KRT73: variants seen among roughly 807,000 people sequenced by gnomAD.
KRT73 encodes keratin 73.
In KRT73, 44 loss-of-function variants were observed where a neutral mutation model predicts 47.2. That is an observed-to-expected ratio of 0.93 (90% CI 0.73 to 1.20). The LOEUF (loss-of-function observed/expected upper bound fraction) is 1.20, where lower values mean the gene tolerates loss of function less well. Among genes scored for constraint, KRT73 ranks in the 50% most tolerant of loss-of-function variants. KRT73 has a pLI of 0.00. For synonymous variants in KRT73, 285 were observed against 291.3 expected (o/e 0.98, Z 0.22); for missense variants, 713 against 704.5 (o/e 1.01, Z -0.14).
At position 52,608,317 on chromosome 12, in the gene KRT73, C is replaced by T. The variant is rs1565627279; in HGVS notation, c.1502G>A (p.Gly501Asp). Residue 501 changes from glycine to aspartate, a missense_variant, in exon 9 of 9, where the codon GGC becomes GAC. Gly to Asp is a moderately conservative substitution (Grantham distance 94). Coordinates refer to ENST00000305748, the MANE Select transcript of KRT73 (RefSeq NM_175068.3). ...YSMLPGGCVT[G>D]SGNCSPRGEA... is the part of the protein sequence containing the mutation. ...CCCACGGGGGCTACAGTTCCCACTG[C>T]CAGTGACACAGCCCCCAGGCAGCAT... The T allele has an allele frequency of 3.1e-6, 5 of 1,614,014 alleles. No homozygotes were observed. Among genetic ancestry groups the T allele is most frequent in the Non-Finnish European group, 4.2e-6 (5 of 1,180,014 alleles).
chr12:52,627,147 C>CTTTCAGG, the KRT73 span, among the ~76,000 whole-genome samples: 1 of 152,238 alleles, frequency 6.6e-6, no homozygotes, highest in Non-Finnish European at 1.5e-5. Flanking sequence ...AACTCTTCAT[C>CTTTCAGG]TTTCAGGTTT....
rs751898527 is a variant in KRT73, at chr12:52,618,446, C to T, written c.79G>A (p.Gly27Ser). 3 of 1,614,024 alleles carry T rather than the reference C, an allele frequency of 1.9e-6. No individual in the cohort carries two copies. Among genetic ancestry groups the T allele is most frequent in the Non-Finnish European group, 2.5e-6 (3 of 1,180,006 alleles). Residue 27 changes from glycine (G) to serine (S), a missense_variant, in exon 1 of 9, where the codon GGC becomes AGC. Gly to Ser is a moderately conservative substitution (Grantham distance 56). Transcript: ENST00000305748. Reference sequence around the variant, plus strand: ...CCTGCTCGGTAGGAGGATGAGCTGCCCCCTGAGAGCACAGCGGAGCAGCCG... The same window carrying T: ...CCTGCTCGGTAGGAGGATGAGCTGCTCCCTGAGAGCACAGCGGAGCAGCCG... ...FSGCSAVLSGGSSSSYRAGGK... is the reference protein window; with the variant it reads ...FSGCSAVLSGSSSSSYRAGGK...
In KRT73 at chr12:52,616,288, C is replaced by A. The variant is rs143427676; in HGVS notation, c.540G>T (p.Glu180Asp). ...LDLNNCKNNL[E>D]PILEGYISNL... is the part of the protein sequence containing the mutation. ...TGCTGATGTAGCCCTCAAGGATGGG[C>A]TCCAGGTTATTCTTGCAGTTGTTCA... is the stretch of plus-strand genomic sequence containing the variant. Residue 180 changes from glutamate (E) to aspartate (D), a missense_variant, in exon 2 of 9, where the codon GAG (glutamate) becomes GAT (aspartate). Glu to Asp is a conservative substitution (Grantham distance 45, BLOSUM62 2). Transcript: ENST00000305748. 1.2e-6 allele frequency: 2 copies of A among 1,614,222 alleles called. No individual in the cohort carries two copies. Among genetic ancestry groups the A allele is most frequent in the Admixed American group, 1.7e-5 (1 of 60,038 alleles).
At chr12:52,613,918 C>T (rs1940758384) in intron 4 of KRT73, 66 bp from the exon 5 acceptor site, 1 of 1,579,042 alleles carries the variant, frequency 6.3e-7, no homozygotes, top group Non-Finnish European at 8.6e-7. Context: ...AGGTGATGGC[C>T]CTGTCCCAGA....
Position 52,608,141 on chromosome 12 carries a change from C to G in KRT73, c.*55G>C. 1 of 1,553,616 alleles carries G rather than the reference C, an allele frequency of 6.4e-7. No homozygotes were observed. The highest frequency in any genetic ancestry group is 8.7e-7 in the Non-Finnish European group (1 of 1,146,358). ...GACAGAGGAATTTCCTAGAAGAGTC[C>G]GGAGCAGTCTGCCAGGGCAAGGCAG... On this transcript the variant is annotated 3_prime_UTR_variant, in exon 9 of 9. Coordinates refer to ENST00000305748, the MANE Select transcript of KRT73 (RefSeq NM_175068.3).
Position 52,618,303 on chromosome 12 carries a change from G to T in KRT73, c.222C>A (p.Gly74=), listed in dbSNP as rs147112947. 1.2e-6 allele frequency: 2 copies of T among 1,614,078 alleles called. No individual in the cohort carries two copies. Among genetic ancestry groups the T allele is most frequent in the African/African-American group, 2.7e-5 (2 of 74,930 alleles). ...CAGCAAAGCCACTGGCCCGGCCCCGGCCAAATCCATAGCCTCCTGCCCACC... is the reference window on the plus strand; with the variant it reads ...CAGCAAAGCCACTGGCCCGGCCCCGTCCAAATCCATAGCCTCCTGCCCACC... ...GSGWAGGYGF[G]RGRASGFAGS... Residue 74 remains glycine, a synonymous_variant, in exon 1 of 9, where the codon GGC becomes GGA. Transcript: ENST00000305748.
At position 52,618,256 on chromosome 12, in the gene KRT73, G is replaced by A. The variant is rs759554368; in HGVS notation, c.269C>T (p.Ala90Val). 5 of 1,614,152 alleles carry A rather than the reference G, an allele frequency of 3.1e-6. No homozygotes were observed. The highest frequency in any genetic ancestry group is 4.2e-6 in the Non-Finnish European group (5 of 1,180,030). The change falls in exon 1 of 9, where the codon GCC (alanine) becomes GTC (valine). Residue 90 changes from alanine (A) to valine (V), a missense_variant. Ala to Val is a moderately conservative substitution (Grantham distance 64). Coordinates refer to ENST00000305748, the MANE Select transcript of KRT73 (RefSeq NM_175068.3). ...CAACGACGGACACACGGACCCCAAG[G>A]CCACACTGCCAAACATGCTGCCAGC... ...GFAGSMFGSV[A>V]LGSVCPSLCP...
In KRT73 at chr12:52,608,448, G is replaced by A. The variant is rs1940630412; in HGVS notation, c.1371C>T (p.Val457=). The change falls in exon 9 of 9, where the codon GTC becomes GTT. Residue 457 remains valine, a synonymous_variant. Transcript: ENST00000305748. ...CCATCCCGGCCATGGAGCTGTTGAT[G>A]ACCGCTGCAGAGGAGGGAGGGACGA... ...GEYTNSVSIS[V]INSSMAGMAG... 1.9e-6 allele frequency: 3 copies of A among 1,607,990 alleles called. No individual in the cohort carries two copies. Among genetic ancestry groups the A allele is most frequent in the African/African-American group, 2.7e-5 (2 of 74,856 alleles).
In KRT73 at chr12:52,613,822, C is replaced by T. The variant is rs147500654; in HGVS notation, c.850G>A (p.Asp284Asn). 1.0e-4 allele frequency: 168 copies of T among 1,614,132 alleles called. 1 individual carries two copies. In the African/African-American group the frequency reaches 1.4e-3, roughly 14 times the overall value. ...ETAQIQSHISDTSIILSMDNN... is the reference protein window; with the variant it reads ...ETAQIQSHISNTSIILSMDNN... ...TCCATGGACAGGATGATGGACGTGTCGCTGATGTGGGACTGGATCTGAGCA... is the reference window on the plus strand; with the variant it reads ...TCCATGGACAGGATGATGGACGTGTTGCTGATGTGGGACTGGATCTGAGCA... Residue 284 changes from aspartate to asparagine, a missense_variant, in exon 5 of 9, where the codon GAC becomes AAC. By Grantham distance (23) the Asp-to-Asn change is conservative (BLOSUM62 1). Coordinates refer to ENST00000305748, the MANE Select transcript of KRT73 (RefSeq NM_175068.3).
upstream of KRT73, among the ~76,000 whole-genome samples, chr12:52,622,786 T>C (rs1940924598): frequency 6.6e-6 from 1 of 152,294 alleles, no homozygotes; most frequent in Non-Finnish European, 1.5e-5. Flanking sequence ...AGCTTCTGGA[T>C]CTTTAAATGG....
chr12:52,625,282 C>T, the KRT73 span, among the ~76,000 whole-genome samples: 1 of 152,132 alleles, frequency 6.6e-6, no homozygotes, highest in African/African-American at 2.4e-5. Context: ...ACATAATGAA[C>T]TCTCAGAACT....
At chr12:52,626,592 G>T in the KRT73 span, among the ~76,000 whole-genome samples, 4 of 152,118 alleles carry the variant, frequency 2.6e-5, no homozygotes, top group Admixed American at 2.6e-4. Flanking sequence ...TTCAAGGGAG[G>T]CTGGGAAATG....
Position 52,618,450 on chromosome 12 carries a change from T to C in KRT73, c.75A>G (p.Ser25=). Residue 25 remains serine (S), a synonymous_variant, in exon 1 of 9, where the codon TCA becomes TCG. Coordinates refer to ENST00000305748, the MANE Select transcript of KRT73 (RefSeq NM_175068.3). ...CTCGGTAGGAGGATGAGCTGCCCCC[T>C]GAGAGCACAGCGGAGCAGCCGCTGA... is the stretch of plus-strand genomic sequence containing the variant. ...GGFSGCSAVL[S]GGSSSSYRAG... is the part of the protein sequence containing the mutation. 1 of 1,613,986 alleles carries C rather than the reference T, an allele frequency of 6.2e-7. No individual in the cohort carries two copies. Among genetic ancestry groups the C allele is most frequent in the South Asian group, 1.1e-5 (1 of 91,060 alleles).
At position 52,618,471 on chromosome 12, in the gene KRT73, G is replaced by A. The variant is rs74778340; in HGVS notation, c.54C>T (p.Ser18=). The A allele has an allele frequency of 5.3e-5, 85 of 1,612,762 alleles. No individual in the cohort carries two copies. The East Asian group carries it at 1.4e-3, about 27-fold the overall frequency. The part of the protein sequence containing the change: ...KSGAAAKGGF[S]GCSAVLSGGS... ...CCCCTGAGAGCACAGCGGAGCAGCC[G>A]CTGAAGCCCCCCTTGGCAGCAGCTC... The change falls in exon 1 of 9, where the codon AGC becomes AGT. Residue 18 remains serine (S), a synonymous_variant. Transcript: ENST00000305748.
intron 1 of KRT73, 87 bp downstream of exon 1, chr12:52,617,991 G>A: frequency 7.1e-7 from 1 of 1,403,974 alleles, no homozygotes; most frequent in Non-Finnish European, 9.8e-7. Context: ...TTGCTCTCAG[G>A]CAAATTGAAC....
chr12:52,614,696 C>A, intron 3 of KRT73, 22 bp from the exon 4 acceptor site: 1 of 1,597,572 alleles, frequency 6.3e-7, no homozygotes, highest in Non-Finnish European at 8.5e-7. Context: ...CCAGATACCC[C>A]TGACCTCACC....
At chr12:52,625,858 T>TAAAAAA in the KRT73 span, among the ~76,000 whole-genome samples, 1 of 149,490 alleles carries the variant, frequency 6.7e-6, no homozygotes. Context: ...TTATACTGAG[T>TAAAAAA]AAAAAAAAAA....
chr12:52,620,363 C>G (rs12425258), upstream of KRT73, among the ~76,000 whole-genome samples: 3,734 of 152,178 alleles, frequency 0.025, 245 homozygotes, highest in Admixed American at 0.15. Flanking sequence ...CTCAGTCTCT[C>G]GAAGTGCTGG....
chr12:52,630,127 C>T, the KRT73 span, among the ~76,000 whole-genome samples: 16 of 152,208 alleles, frequency 1.1e-4, no homozygotes, highest in Non-Finnish European at 2.2e-4. Flanking sequence ...CATACAGGGC[C>T]AGGATCAGTG....
Sources: gnomAD v4.1 joint callset for allele counts (sites outside exome capture counted in the v4.1 genomes callset) on GRCh38, gnomAD v4.1.1 for gene constraint, MANE v1.5 for transcripts, NCBI Gene and HGNC (gene_info 2026-07-23, HGNC 2026-07-21) for gene names.